Variants in KCNB2 observed in about 807,000 individuals in gnomAD.
KCNB2 encodes the protein potassium voltage-gated channel subfamily B member 2.
Under a neutral mutation model 61.5 loss-of-function variants are expected in KCNB2, and 15 were observed. That is an observed-to-expected ratio of 0.24 (90% CI 0.16 to 0.38). The LOEUF is 0.38. Ranked by LOEUF, KCNB2 falls within the 10% of genes least tolerant of loss-of-function variation. The pLI, the probability that KCNB2 is intolerant of heterozygous loss-of-function variation, is 1.00. For missense variants in KCNB2, 828 were observed against 1,125.2 expected (o/e 0.74, Z 3.78); for synonymous variants, 457 against 446.0 (o/e 1.02, Z -0.31).
chr8:72,548,235 G>A (rs988537198), intron 1 of KCNB2, among the ~76,000 whole-genome samples: 7 of 152,054 alleles, frequency 4.6e-5, no homozygotes, highest in African/African-American at 1.2e-4. Flanking sequence ...CTTTTTTGCC[G>A]TGGTCTGGAA....
At chr8:72,932,026 C>A (rs201613375) in intron 2 of KCNB2, among the ~76,000 whole-genome samples, 8 of 151,148 alleles carry the variant, frequency 5.3e-5, no homozygotes, top group East Asian at 4.0e-4. Flanking sequence ...AACAAACAAA[C>A]AAAAAAAACT....
intron 2 of KCNB2, among the ~76,000 whole-genome samples, chr8:72,627,326 A>T (rs1362648363): frequency 6.6e-6 from 1 of 152,188 alleles, no homozygotes; most frequent in Non-Finnish European, 1.5e-5. Flanking sequence ...GCTATCAGAG[A>T]TATTAAGAAC....
At chr8:72,724,632 A>C (rs1807603261) in intron 2 of KCNB2, among the ~76,000 whole-genome samples, 1 of 152,210 alleles carries the variant, frequency 6.6e-6, no homozygotes. Context: ...ATTTCAGATA[A>C]ATAACAATAG....
At chr8:72,763,472 G>A (rs1373310246) in intron 2 of KCNB2, among the ~76,000 whole-genome samples, 4 of 152,172 alleles carry the variant, frequency 2.6e-5, no homozygotes, top group Non-Finnish European at 5.9e-5. Flanking sequence ...ACAGATGCTG[G>A]ATCCTCTAAA....
At chr8:72,583,345 T>C (rs1368507820) in intron 2 of KCNB2, among the ~76,000 whole-genome samples, 3 of 152,204 alleles carry the variant, frequency 2.0e-5, no homozygotes, top group Admixed American at 1.3e-4. Flanking sequence ...CTTCTAAGAA[T>C]TTTAATGAGA....
At chr8:72,700,544 TAAAC>T (rs1244302348) in intron 2 of KCNB2, among the ~76,000 whole-genome samples, 1 of 151,796 alleles carries the variant, frequency 6.6e-6, no homozygotes, top group Non-Finnish European at 1.5e-5. Context: ...GTCAAAAAAA[TAAAC>T]AAATGACAAA....
intron 2 of KCNB2, among the ~76,000 whole-genome samples, chr8:72,726,196 A>G (rs566302084): frequency 6.6e-6 from 1 of 152,314 alleles, no homozygotes; most frequent in East Asian, 1.9e-4. Context: ...GAGACACCAG[A>G]GAGCTTGCTC....
intron 2 of KCNB2, among the ~76,000 whole-genome samples, chr8:72,846,240 C>G (rs1254515326): frequency 6.6e-6 from 1 of 152,118 alleles, no homozygotes. Context: ...AAGGCGACAC[C>G]CCACCCTGCT....
intron 2 of KCNB2, among the ~76,000 whole-genome samples, chr8:72,928,957 G>C (rs976441989): frequency 6.6e-6 from 1 of 151,342 alleles, no homozygotes; most frequent in Non-Finnish European, 1.5e-5. Context: ...TTTTTTTATT[G>C]TTTCCCAATG....
Position 72,577,325 on chromosome 8 carries a change from A to G in KCNB2, c.579+9012A>G, listed in dbSNP as rs375694058. ...TGTGTATGTGTGTGTGTGTGTGAGA[A>G]AGAGATAGAGAGAGAGAGATGTTAC... On this transcript the variant is annotated intron_variant, in intron 2 of 2. Coordinates refer to ENST00000523207, the MANE Select transcript of KCNB2 (RefSeq NM_004770.3). Among the ~76,000 whole-genome samples, 160 of 148,538 alleles carry G rather than the reference A, an allele frequency of 1.1e-3. 1 individual carries two copies. Among genetic ancestry groups the G allele is most frequent in the African/African-American group, 3.8e-3 (156 of 41,022 alleles).
intron 2 of KCNB2, among the ~76,000 whole-genome samples, chr8:72,790,078 T>A (rs1432580798): frequency 6.6e-6 from 1 of 152,098 alleles, no homozygotes; most frequent in Non-Finnish European, 1.5e-5. Context: ...ATGAAAGAAT[T>A]CCATTTAGAT....
At chr8:72,644,404 T>C (rs973934542) in intron 2 of KCNB2, among the ~76,000 whole-genome samples, 3 of 152,148 alleles carry the variant, frequency 2.0e-5, no homozygotes, top group Non-Finnish European at 4.4e-5. Context: ...GCTGGGTCTT[T>C]ACAATAAAAG....
At chr8:72,791,159 A>G (rs1808935567) in intron 2 of KCNB2, among the ~76,000 whole-genome samples, 1 of 152,146 alleles carries the variant, frequency 6.6e-6, no homozygotes, top group African/African-American at 2.4e-5. Flanking sequence ...CAGTTTTCTA[A>G]GCTTCAGACA....
chr8:72,725,591 G>GTGTATATATATA (rs368891799), intron 2 of KCNB2, among the ~76,000 whole-genome samples: 18 of 51,940 alleles, frequency 3.5e-4, no homozygotes, highest in African/African-American at 1.2e-3. Flanking sequence ...ATATATGTAT[G>GTGTATATATATA]TATATATATA....
At chr8:72,792,664 A>T (rs905821103) in intron 2 of KCNB2, among the ~76,000 whole-genome samples, 1 of 152,194 alleles carries the variant, frequency 6.6e-6, no homozygotes, top group African/African-American at 2.4e-5. Context: ...AGGCATATAT[A>T]TATTTTTAAA....
intron 2 of KCNB2, among the ~76,000 whole-genome samples, chr8:72,584,314 A>G (rs1371697097): frequency 6.6e-6 from 1 of 152,114 alleles, no homozygotes; most frequent in East Asian, 1.9e-4. Flanking sequence ...GGGGAGAGTT[A>G]AAGTCTCGGA....
chr8:72,550,676 T>C (rs192924234), intron 1 of KCNB2, among the ~76,000 whole-genome samples: 1 of 152,304 alleles, frequency 6.6e-6, no homozygotes, highest in East Asian at 1.9e-4. Flanking sequence ...TCTTAAGCTA[T>C]GTGGTTCTTT....
At chr8:72,851,718 G>A (rs961671757) in intron 2 of KCNB2, among the ~76,000 whole-genome samples, 1 of 147,542 alleles carries the variant, frequency 6.8e-6, no homozygotes. Context: ...GGCATGATTT[G>A]TTTAAGCAAG....
Position 72,873,847 on chromosome 8 carries a change from C to A in KCNB2, c.580-62088C>A, listed in dbSNP as rs1385797559. The stretch of plus-strand genomic sequence containing the variant: ...TCCACTGGGATTGGGTGACTCGCAG[C>A]AAGCAGCAGCATCCACCTATTAGCC... On this transcript the variant is annotated intron_variant, in intron 2 of 2. Coordinates refer to ENST00000523207, the MANE Select transcript of KCNB2 (RefSeq NM_004770.3). Among the ~76,000 whole-genome samples, 4 of 152,236 alleles carry A rather than the reference C, an allele frequency of 2.6e-5. No individual in the cohort carries two copies. In the East Asian group the frequency reaches 7.7e-4, roughly 29 times the overall value.
Sources: gnomAD v4.1 joint callset for allele counts (sites outside exome capture counted in the v4.1 genomes callset) on GRCh38, gnomAD v4.1.1 for gene constraint, MANE v1.5 for transcripts, NCBI Gene and HGNC (gene_info 2026-07-23, HGNC 2026-07-21) for gene names.